The following GRIP1 variants were observed in gnomAD, a reference collection of about 807,000 sequenced individuals.
GRIP1 encodes the protein glutamate receptor interacting protein 1.
A neutral mutation model predicts 129.9 loss-of-function variants in GRIP1; 45 were observed. That is an observed-to-expected ratio of 0.35 (90% CI 0.27 to 0.44). The LOEUF is 0.44. Ranked by LOEUF, GRIP1 falls within the 20% of genes least tolerant of loss-of-function variation. GRIP1 has a pLI of 1.00. For missense variants in GRIP1, 1,196 were observed against 1,396.8 expected (o/e 0.86, Z 2.29); for synonymous variants, 530 against 520.8 (o/e 1.02, Z -0.24).
At chr12:66,740,998 GA>G (rs574052375) in intron 1 of GRIP1, among the ~76,000 whole-genome samples, 3 of 151,802 alleles carry the variant, frequency 2.0e-5, no homozygotes, top group African/African-American at 7.3e-5. Flanking sequence ...TTCAATTAAA[GA>G]AAAAAAATGT....
At chr12:66,798,053 A>T (rs1037604607) in intron 1 of GRIP1, among the ~76,000 whole-genome samples, 4 of 152,190 alleles carry the variant, frequency 2.6e-5, no homozygotes, top group African/African-American at 9.7e-5. Flanking sequence ...TGCTCTTCCA[A>T]GGGGAATGAA....
chr12:66,688,705 A>C (rs2034869735), intron 1 of GRIP1, among the ~76,000 whole-genome samples: 1 of 152,142 alleles, frequency 6.6e-6, no homozygotes, highest in African/African-American at 2.4e-5. Context: ...TATTTCCATA[A>C]AAATGACATT....
At chr12:66,918,726 A>G (rs2041166832) in intron 1 of GRIP1, among the ~76,000 whole-genome samples, 1 of 152,154 alleles carries the variant, frequency 6.6e-6, no homozygotes. Context: ...AGCTGCCCCC[A>G]TGAAAGAGTA....
chr12:66,566,931 T>C (rs926427150), intron 2 of GRIP1, among the ~76,000 whole-genome samples: 7 of 152,234 alleles, frequency 4.6e-5, no homozygotes, highest in South Asian at 2.1e-4. Flanking sequence ...GAGGTGTTTA[T>C]AGTATTCTCT....
chr12:66,813,221 A>G (rs2039137518), intron 1 of GRIP1, among the ~76,000 whole-genome samples: 1 of 152,194 alleles, frequency 6.6e-6, no homozygotes, highest in Non-Finnish European at 1.5e-5. Context: ...AGTATATCAC[A>G]CAGTGAGAAA....
chr12:66,850,409 G>A (rs2039890671), intron 1 of GRIP1, among the ~76,000 whole-genome samples: 1 of 152,116 alleles, frequency 6.6e-6, no homozygotes, highest in Non-Finnish European at 1.5e-5. Flanking sequence ...AAACTGTATT[G>A]TAAGACTTAG....
chr12:66,492,637 A>T (rs1428287960), intron 7 of GRIP1, among the ~76,000 whole-genome samples: 1 of 152,316 alleles, frequency 6.6e-6, no homozygotes, highest in South Asian at 2.1e-4. Flanking sequence ...CCAATTTCCA[A>T]TTAGAAGAAT....
rs1463576520 is a variant in GRIP1, at chr12:66,986,571, T to C, written c.58+82479A>G. On this transcript the variant is annotated intron_variant, in intron 1 of 1. Transcript: ENST00000643019. ...GAAATCATCATTCTCAGTAAACTAT[T>C]GCAAGGACAAAAAACCAAACACCGC... Among the ~76,000 whole-genome samples the C allele has an allele frequency of 3.3e-5, 5 of 149,878 alleles. No individual in the cohort carries two copies. In the East Asian group the frequency reaches 9.9e-4, roughly 30 times the overall value.
intron 1 of GRIP1, among the ~76,000 whole-genome samples, chr12:67,068,840 G>GCCCCCCC: frequency 1.9e-5 from 1 of 52,318 alleles, no homozygotes. Context: ...CTCTCCCGCT[G>GCCCCCCC]CCCTCTCATC....
chr12:66,635,543 G>A (rs536727763), intron 1 of GRIP1, among the ~76,000 whole-genome samples: 1 of 152,064 alleles, frequency 6.6e-6, no homozygotes, highest in Admixed American at 6.5e-5. Context: ...TGTCTTCAGG[G>A]AAGAATAATT....
At chr12:66,438,143 C>T (rs2058366169) in intron 13 of GRIP1, among the ~76,000 whole-genome samples, 1 of 152,202 alleles carries the variant, frequency 6.6e-6, no homozygotes, top group South Asian at 2.1e-4. Flanking sequence ...ATCTTCACCA[C>T]CATCTGATCC....
At chr12:66,987,883 C>T (rs142351392) in intron 1 of GRIP1, among the ~76,000 whole-genome samples, 119 of 152,274 alleles carry the variant, frequency 7.8e-4, no homozygotes, top group African/African-American at 2.7e-3. Context: ...TACAAGAACA[C>T]GTGCAAAAGC....
At chr12:66,574,297 C>T (rs1237431638) in intron 2 of GRIP1, among the ~76,000 whole-genome samples, 1 of 152,198 alleles carries the variant, frequency 6.6e-6, no homozygotes, top group Non-Finnish European at 1.5e-5. Flanking sequence ...TAAACAAATG[C>T]GTTTTAGTGT....
chr12:66,500,154 T>A (rs1039204983), intron 7 of GRIP1, among the ~76,000 whole-genome samples: 2 of 152,170 alleles, frequency 1.3e-5, no homozygotes, highest in Non-Finnish European at 2.9e-5. Context: ...ATGTGTCAAG[T>A]GCTTTAAAGG....
intron 5 of GRIP1, among the ~76,000 whole-genome samples, chr12:66,528,006 T>C (rs1908122): frequency 0.023 from 3,469 of 152,264 alleles, 125 homozygotes; most frequent in African/African-American, 0.08. Flanking sequence ...GATGTTTATA[T>C]AGCTCCCTAT....
intron 1 of GRIP1, among the ~76,000 whole-genome samples, chr12:66,599,065 G>T (rs1005102399): frequency 3.9e-5 from 6 of 152,138 alleles, no homozygotes; most frequent in Non-Finnish European, 8.8e-5. Flanking sequence ...ATTTAGAACT[G>T]AGATAGTCTA....
intron 14 of GRIP1, among the ~76,000 whole-genome samples, chr12:66,423,131 T>C (rs144680951): frequency 2.8e-4 from 42 of 152,326 alleles, no homozygotes; most frequent in African/African-American, 9.4e-4. Context: ...GGTGTCATGA[T>C]TGAGAGACAG....
intron 1 of GRIP1, among the ~76,000 whole-genome samples, chr12:66,896,146 A>G (rs2040743210): frequency 6.6e-6 from 1 of 152,180 alleles, no homozygotes; most frequent in Non-Finnish European, 1.5e-5. Flanking sequence ...AAGCTGCAAG[A>G]GACTGGAGCT....
intron 21 of GRIP1, 35 bp downstream of exon 21, chr12:66,377,139 G>A: frequency 1.9e-6 from 3 of 1,564,970 alleles, no homozygotes; most frequent in Non-Finnish European, 2.6e-6. Context: ...AATGAATGTA[G>A]AAACAATAAA....
Sources: gnomAD v4.1 joint callset for allele counts (sites outside exome capture counted in the v4.1 genomes callset) on GRCh38, gnomAD v4.1.1 for gene constraint, MANE v1.5 for transcripts, NCBI Gene and HGNC (gene_info 2026-07-23, HGNC 2026-07-21) for gene names.